USP7: variants seen among roughly 807,000 people sequenced by gnomAD.
USP7 encodes ubiquitin specific peptidase 7, also known as ubiquitin C-terminal hydrolase 7.
USP7 carries 9 observed loss-of-function variants against 162.9 expected under a neutral mutation model. The observed-to-expected ratio is 0.06, with a 90% CI of 0.03 to 0.10. The LOEUF (loss-of-function observed/expected upper bound fraction) is 0.10, where lower values mean the gene tolerates loss of function less well. Ranked by LOEUF, USP7 falls within the 10% of genes least tolerant of loss-of-function variation. The pLI, the probability that USP7 is intolerant of heterozygous loss-of-function variation, is 1.00. For missense variants in USP7, 715 were observed against 1,373.7 expected, an observed-to-expected ratio of 0.52 and a Z score of 7.58; for synonymous variants, 562 against 475.9, an observed-to-expected ratio of 1.18 and a Z score of -2.35.
chr16:8,929,232 G>A (rs953845682), intron 2 of USP7: 30 of 324,454 alleles, frequency 9.2e-5, no homozygotes, highest in African/African-American at 4.8e-4. Flanking sequence ...AACCGCTTTC[G>A]GCATCTCAGA....
intron 10 of USP7, 92 bp downstream of exon 10, chr16:8,915,162 C>T (rs1567220843): frequency 8.3e-7 from 1 of 1,206,228 alleles, no homozygotes; most frequent in Non-Finnish European, 1.2e-6. Context: ...TGTGTTTAGA[C>T]TATTTAAAAA....
intron 15 of USP7, 79 bp downstream of exon 15, chr16:8,904,356 G>A: frequency 6.4e-7 from 1 of 1,569,636 alleles, no homozygotes; most frequent in Non-Finnish European, 8.6e-7. Context: ...CAGAGGGGTG[G>A]GGGCTGACCT....
intron 10 of USP7, among the ~76,000 whole-genome samples, chr16:8,914,175 T>C (rs1347505770): frequency 6.6e-6 from 1 of 152,070 alleles, no homozygotes; most frequent in Non-Finnish European, 1.5e-5. Flanking sequence ...CCAATAAGCA[T>C]TTGAAAAGGT....
intron 1 of USP7, among the ~76,000 whole-genome samples, chr16:8,955,475 C>T (rs996876213): frequency 1.3e-5 from 2 of 152,096 alleles, no homozygotes; most frequent in Non-Finnish European, 2.9e-5. Context: ...GTAATCCCAG[C>T]ACTTTGGGAG....
chr16:8,929,644 A>G (rs1044149187), intron 2 of USP7: 7 of 453,818 alleles, frequency 1.5e-5, no homozygotes, highest in Non-Finnish European at 2.2e-5. Flanking sequence ...TACTGCAATT[A>G]CTGGCTGCTC....
intron 14 of USP7, 32 bp from the exon 15 acceptor site, chr16:8,904,597 G>T: frequency 6.2e-7 from 1 of 1,609,300 alleles, no homozygotes. Context: ...TTTGACCCCT[G>T]CAGATGGACT....
rs1245933213 is a variant in USP7, at chr16:8,902,146, G to A, written c.1983C>T (p.Phe661=). Residue 661 remains phenylalanine (F), a synonymous_variant, in exon 18 of 31, where the codon TTC becomes TTT. Coordinates refer to ENST00000344836, the MANE Select transcript of USP7 (RefSeq NM_003470.3). The part of the protein sequence containing the change: ...LSDNENPWTI[F]LETVDPELAA... The stretch of plus-strand genomic sequence containing the variant: ...CCAGCTCGGGATCAACTGTTTCCAG[G>A]AATATTGTCCAAGGGTTTTCATTAT... The A allele has an allele frequency of 1.2e-6, 2 of 1,614,182 alleles. No individual in the cohort carries two copies. The highest frequency in any genetic ancestry group is 2.2e-5 in the South Asian group (2 of 91,084).
chr16:8,925,488 A>C (rs1897938116), intron 2 of USP7, among the ~76,000 whole-genome samples: 1 of 152,228 alleles, frequency 6.6e-6, no homozygotes, highest in Non-Finnish European at 1.5e-5. Flanking sequence ...ATGTATACAA[A>C]ATCAATACAT....
chr16:8,896,808 A>G (rs1175191821), intron 26 of USP7, among the ~76,000 whole-genome samples, 191 bp downstream of exon 26: 2 of 152,182 alleles, frequency 1.3e-5, no homozygotes, highest in East Asian at 1.9e-4. Flanking sequence ...TGAGACTTGA[A>G]AAACTGGAGC....
chr16:8,894,680 A>G lies in USP7; in HGVS notation c.3112-40T>C, dbSNP rs201798776. 2,719 of 1,611,654 alleles carry G rather than the reference A, an allele frequency of 1.7e-3. 4 individuals carry two copies. Among genetic ancestry groups the G allele is most frequent in the Non-Finnish European group, 2.0e-3 (2,323 of 1,178,342 alleles). ...ATTAAAACTCCTCCGTTATTTCTGT[A>G]TATCAGCAAAACTCACATCTCTGGC... On this transcript the variant is annotated intron_variant, in intron 29 of 30. Transcript: ENST00000344836.
intron 15 of USP7, among the ~76,000 whole-genome samples, chr16:8,903,666 G>A (rs934354567): frequency 1.3e-5 from 2 of 151,974 alleles, no homozygotes; most frequent in Non-Finnish European, 2.9e-5. Context: ...CAGGAGTTCC[G>A]AGACCAGCCT....
At chr16:8,929,739 G>A (rs1028830768) in intron 2 of USP7, among the ~76,000 whole-genome samples, 3 of 152,156 alleles carry the variant, frequency 2.0e-5, no homozygotes, top group African/African-American at 4.8e-5. Context: ...GAAAAAAACT[G>A]ATTTCCTACA....
In USP7 at chr16:8,950,381, C is replaced by T. The variant is rs149464042; in HGVS notation, c.79+12826G>A. Among the ~76,000 whole-genome samples the T allele has an allele frequency of 1.7e-3, 253 of 152,246 alleles. 1 individual carries two copies. Among genetic ancestry groups the T allele is most frequent in the African/African-American group, 5.8e-3 (243 of 41,544 alleles). On this transcript the variant is annotated intron_variant, in intron 1 of 30. Transcript: ENST00000344836. ...AACAGTATTTTAAGAAAAATAAAAG[C>T]CCTTTAATTTCATCAAAAAAGAATT... is the stretch of plus-strand genomic sequence containing the variant.
intron 2 of USP7, among the ~76,000 whole-genome samples, chr16:8,926,604 A>C (rs1189944799): frequency 6.6e-6 from 1 of 152,196 alleles, no homozygotes; most frequent in African/African-American, 2.4e-5. Flanking sequence ...AGTGATGGAG[A>C]TCTTTGCCCA....
intron 1 of USP7, among the ~76,000 whole-genome samples, chr16:8,954,826 G>C: frequency 6.6e-6 from 1 of 152,154 alleles, no homozygotes; most frequent in East Asian, 1.9e-4. Context: ...CCGGTGCGGT[G>C]AGGGGCGCCT....
rs1373298045 is a variant in USP7, at chr16:8,906,510, A to G, written c.1344T>C (p.Tyr448=). Reference sequence around the variant, plus strand: ...TATGAACCAGGACTGCATGAAGAATATAATTTGCAGGGTCCTTAGGATCTG... The same window carrying G: ...TATGAACCAGGACTGCATGAAGAATGTAATTTGCAGGGTCCTTAGGATCTG... The part of the protein sequence containing the change: ...QKTDPKDPAN[Y]ILHAVLVHSG... The change falls in exon 13 of 31, where the codon TAT becomes TAC. Residue 448 remains tyrosine (Y), a synonymous_variant. Coordinates refer to ENST00000344836, the MANE Select transcript of USP7 (RefSeq NM_003470.3). 1.9e-6 allele frequency: 3 copies of G among 1,613,504 alleles called. No individual in the cohort carries two copies. The highest frequency in any genetic ancestry group is 1.1e-5 in the South Asian group (1 of 91,062).
intron 11 of USP7, among the ~76,000 whole-genome samples, chr16:8,909,217 C>T (rs527291222): frequency 1.3e-5 from 2 of 152,192 alleles, no homozygotes; most frequent in East Asian, 1.9e-4. Flanking sequence ...ATCTCGACCA[C>T]GGCCAGGCGG....
chr16:8,950,670 C>G (rs546471178), intron 1 of USP7, among the ~76,000 whole-genome samples: 2 of 152,292 alleles, frequency 1.3e-5, no homozygotes, highest in South Asian at 4.1e-4. Flanking sequence ...GCTAATTGTC[C>G]AAGATTCAGA....
intron 10 of USP7, among the ~76,000 whole-genome samples, chr16:8,914,757 C>CAA (rs113813738): frequency 1.0e-4 from 15 of 144,976 alleles, no homozygotes; most frequent in Non-Finnish European, 2.0e-4. Flanking sequence ...ATCTCTTAAC[C>CAA]AAAAAAAAAA....
Sources: gnomAD v4.1 joint callset for allele counts (sites outside exome capture counted in the v4.1 genomes callset) on GRCh38, gnomAD v4.1.1 for gene constraint, MANE v1.5 for transcripts, NCBI Gene and HGNC (gene_info 2026-07-23, HGNC 2026-07-21) for gene names.